Variants in GOLPH3 observed in about 807,000 individuals in gnomAD.
The protein encoded by GOLPH3 is coat protein GPP34.
In GOLPH3, 14 loss-of-function variants were observed where a neutral mutation model predicts 28.5. The observed-to-expected ratio is 0.49, with a 90% CI of 0.32 to 0.77. The LOEUF is 0.77. GOLPH3 is among the 30% of genes least tolerant of loss of function. GOLPH3 has a pLI of 0.03. For synonymous variants in GOLPH3, 158 were observed against 159.2 expected, an observed-to-expected ratio of 0.99 and a Z score of 0.06; for missense variants, 350 against 393.7, an observed-to-expected ratio of 0.89 and a Z score of 0.94.
In GOLPH3 at chr5:32,143,693, T is replaced by C. The variant is rs948399060; in HGVS notation, c.357+56A>G. The C allele has an allele frequency of 3.6e-5, 52 of 1,455,488 alleles. No homozygotes were observed. The Admixed American group carries it at 5.3e-4, about 15-fold the overall frequency. The allele number at this position is 1,455,488 out of a possible 1,614,324, so 90.2% of individuals were successfully genotyped here. A position where few individuals can be genotyped will look rare whatever the true frequency, so the allele number is the denominator to read the frequency against. ...TTTTTGAAGGCTACTAGTAAAAACA[T>C]ACATTTTAAGCAGTACAACCTCTTT... On this transcript the variant is annotated intron_variant, in intron 2 of 3. Transcript: ENST00000265070.
chr5:32,167,792 T>A (rs189856778), intron 1 of GOLPH3, among the ~76,000 whole-genome samples: 2,159 of 146,866 alleles, frequency 0.015, 54 homozygotes, highest in African/African-American at 0.054. Context: ...CAAAAAAAAA[T>A]TTTTTTTTTT....
intron 2 of GOLPH3, among the ~76,000 whole-genome samples, chr5:32,138,939 T>C (rs1182772080): frequency 6.6e-6 from 1 of 152,258 alleles, no homozygotes; most frequent in Non-Finnish European, 1.5e-5. Flanking sequence ...CTAAATATGG[T>C]GGCCATTGCC....
chr5:32,132,122 C>CTA (rs1230939867), intron 3 of GOLPH3, among the ~76,000 whole-genome samples: 4 of 152,194 alleles, frequency 2.6e-5, no homozygotes, highest in African/African-American at 9.7e-5. Flanking sequence ...CACCACTGCA[C>CTA]TACAGCCTGG....
intron 1 of GOLPH3, among the ~76,000 whole-genome samples, chr5:32,157,085 G>A (rs985846739): frequency 6.6e-6 from 1 of 152,170 alleles, no homozygotes; most frequent in East Asian, 1.9e-4. Context: ...TTTCACAGAA[G>A]TAACAGCCAG....
At chr5:32,150,108 T>C (rs1241338553) in intron 1 of GOLPH3, among the ~76,000 whole-genome samples, 2 of 151,998 alleles carry the variant, frequency 1.3e-5, no homozygotes, top group African/African-American at 2.4e-5. Flanking sequence ...CCAGATTATA[T>C]AAAATTAAAC....
chr5:32,146,658 A>G (rs1439016640), intron 1 of GOLPH3, among the ~76,000 whole-genome samples: 1 of 152,246 alleles, frequency 6.6e-6, no homozygotes, highest in Admixed American at 6.5e-5. Context: ...ATGAAATGTA[A>G]TAAAAATATT....
At chr5:32,140,698 G>A (rs1164664221) in intron 2 of GOLPH3, among the ~76,000 whole-genome samples, 1 of 150,594 alleles carries the variant, frequency 6.6e-6, no homozygotes, top group Admixed American at 6.7e-5. Context: ...AGACATGGTG[G>A]CATATACCTA....
At chr5:32,147,462 G>A (rs1240039133) in intron 1 of GOLPH3, among the ~76,000 whole-genome samples, 1 of 151,942 alleles carries the variant, frequency 6.6e-6, no homozygotes, top group Non-Finnish European at 1.5e-5. Context: ...AGAAATCCTG[G>A]TGCAGAGGTT....
At chr5:32,137,427 G>A (rs564265647) in intron 2 of GOLPH3, among the ~76,000 whole-genome samples, 28 of 152,082 alleles carry the variant, frequency 1.8e-4, no homozygotes, top group Admixed American at 1.2e-3. Context: ...GGGAGGCCAA[G>A]GCGGGTGGAT....
chr5:32,160,484 T>C (rs1045577707), intron 1 of GOLPH3, among the ~76,000 whole-genome samples: 3 of 152,132 alleles, frequency 2.0e-5, no homozygotes, highest in Non-Finnish European at 2.9e-5. Flanking sequence ...AGGCATAGAA[T>C]GAAAAGGAAG....
At chr5:32,137,098 A>G (rs1010279213) in intron 2 of GOLPH3, among the ~76,000 whole-genome samples, 11 of 151,826 alleles carry the variant, frequency 7.2e-5, no homozygotes, top group Admixed American at 2.0e-4. Context: ...TAGCTGGAAT[A>G]ACAGGTGTGT....
rs1220446119 is a variant in GOLPH3 at position 32,125,092 on chromosome 5, C to CTTA, written c.*1117_*1119dup. ...ACATAGAGCTTTCTGTTACAAAATTCTTAATCCTCTGGGTTGTAATCATTA... is the reference window on the plus strand; with the variant it reads ...ACATAGAGCTTTCTGTTACAAAATTCTTATTAATCCTCTGGGTTGTAATCATTA... On this transcript the variant is annotated 3_prime_UTR_variant, in exon 4 of 4. Transcript: ENST00000265070. The CTTA allele has an allele frequency of 1.3e-5, 2 of 152,594 alleles. No homozygotes were observed. Among genetic ancestry groups the CTTA allele is most frequent in the Non-Finnish European group, 2.9e-5 (2 of 68,032 alleles). 9.5% of individuals were successfully genotyped at this position (152,594 alleles called of 1,614,324 possible).
At chr5:32,149,255 G>C (rs753930285) in intron 1 of GOLPH3, among the ~76,000 whole-genome samples, 6 of 152,214 alleles carry the variant, frequency 3.9e-5, no homozygotes, top group Non-Finnish European at 7.3e-5. Context: ...GAGACAGAGA[G>C]GCAGACAGGC....
intron 1 of GOLPH3, among the ~76,000 whole-genome samples, chr5:32,161,843 C>T (rs1256524517): frequency 1.3e-5 from 2 of 150,518 alleles, no homozygotes; most frequent in Admixed American, 1.3e-4. Flanking sequence ...CTGGCTAACA[C>T]GGTGAGACCC....
At chr5:32,173,787 C>T (rs1431284548) in intron 1 of GOLPH3, 23 bp downstream of exon 1, 1 of 1,349,604 alleles carries the variant, frequency 7.4e-7, no homozygotes, top group Non-Finnish European at 9.5e-7. Context: ...CGCCGCCCCC[C>T]GCCCAGCCCG....
At chr5:32,168,030 T>C (rs1746753730) in intron 1 of GOLPH3, among the ~76,000 whole-genome samples, 1 of 152,192 alleles carries the variant, frequency 6.6e-6, no homozygotes, top group Non-Finnish European at 1.5e-5. Context: ...CTCATACCTG[T>C]GTTTAAACAC....
Position 32,148,399 on chromosome 5 carries a change from T to C in GOLPH3, c.226-4519A>G, listed in dbSNP as rs192641145. Among the ~76,000 whole-genome samples the C allele has an allele frequency of 9.9e-4, 151 of 152,346 alleles. 2 individuals are homozygous for C. The East Asian group carries it at 0.023, about 23-fold the overall frequency. On this transcript the variant is annotated intron_variant, in intron 1 of 3. Transcript: ENST00000265070. The stretch of plus-strand genomic sequence containing the variant: ...AAGTACTCAAAATAGTTTCATTTTG[T>C]TTTTATGTACAAAATATTTCAAAAT...
At chr5:32,136,847 C>T (rs1745943898) in intron 2 of GOLPH3, among the ~76,000 whole-genome samples, 1 of 152,122 alleles carries the variant, frequency 6.6e-6, no homozygotes, top group Non-Finnish European at 1.5e-5. Flanking sequence ...ATATAGGATA[C>T]TCAATCTTAT....
chr5:32,128,874 G>A (rs934370822), intron 3 of GOLPH3, among the ~76,000 whole-genome samples: 6 of 151,760 alleles, frequency 4.0e-5, no homozygotes, highest in African/African-American at 1.5e-4. Flanking sequence ...TAAGGGGGGA[G>A]TCAACAGAAA....
Sources: gnomAD v4.1 joint callset for allele counts (sites outside exome capture counted in the v4.1 genomes callset) on GRCh38, gnomAD v4.1.1 for gene constraint, MANE v1.5 for transcripts, NCBI Gene and HGNC (gene_info 2026-07-23, HGNC 2026-07-21) for gene names.